CORIN: variants seen among roughly 807,000 people sequenced by gnomAD.
The protein encoded by CORIN is atrial natriuretic peptide-converting enzyme.
In CORIN, 117 loss-of-function variants were observed where a neutral mutation model predicts 125.3. The ratio of observed to expected loss-of-function variants is 0.93; its 90% CI spans 0.80 to 1.09. The LOEUF is 1.09. Ranked by LOEUF, CORIN falls within the 50% of genes least tolerant of loss-of-function variation. The pLI is 0.00. For missense variants in CORIN, 1,253 were observed against 1,306.7 expected, an observed-to-expected ratio of 0.96 and a Z score of 0.63; for synonymous variants, 450 against 466.4, an observed-to-expected ratio of 0.96 and a Z score of 0.45.
intron 21 of CORIN, among the ~76,000 whole-genome samples, chr4:47,598,625 G>A (rs1721337948): frequency 6.6e-6 from 1 of 152,144 alleles, no homozygotes; most frequent in Non-Finnish European, 1.5e-5. Flanking sequence ...TTGGAGAGAG[G>A]AAGAAATGTA....
At chr4:47,836,546 C>T (rs931057495) in intron 1 of CORIN, among the ~76,000 whole-genome samples, 3 of 152,174 alleles carry the variant, frequency 2.0e-5, no homozygotes, top group Non-Finnish European at 2.9e-5. Flanking sequence ...CTAGAAGCCA[C>T]AATTGTGCCT....
chr4:47,689,005 C>T (rs1415696469), intron 6 of CORIN, among the ~76,000 whole-genome samples: 3 of 152,060 alleles, frequency 2.0e-5, no homozygotes, highest in Admixed American at 6.6e-5. Context: ...TTTAGGCTGC[C>T]TCCATTCTAA....
intron 1 of CORIN, among the ~76,000 whole-genome samples, chr4:47,810,071 C>T (rs552674879): frequency 5.9e-5 from 9 of 152,294 alleles, no homozygotes; most frequent in East Asian, 5.8e-4. Context: ...GGGTAGGGAA[C>T]GATGCATCTG....
chr4:47,762,941 T>C (rs1005465394), intron 4 of CORIN, among the ~76,000 whole-genome samples: 7 of 152,050 alleles, frequency 4.6e-5, no homozygotes, highest in African/African-American at 1.7e-4. Context: ...TCTCTCTAAC[T>C]CTCTCTAGGT....
chr4:47,607,955 G>GAAAA (rs112787504), intron 19 of CORIN, among the ~76,000 whole-genome samples: 1 of 142,314 alleles, frequency 7.0e-6, no homozygotes, highest in African/African-American at 2.6e-5. Flanking sequence ...TCAAAAAAAA[G>GAAAA]AAAAAAAAAA....
intron 1 of CORIN, among the ~76,000 whole-genome samples, chr4:47,836,041 AG>A (rs1733383482): frequency 6.6e-6 from 1 of 152,124 alleles, no homozygotes; most frequent in South Asian, 2.1e-4. Flanking sequence ...TGGGGTTTTG[AG>A]GTTGATGTGT....
intron 5 of CORIN, among the ~76,000 whole-genome samples, chr4:47,735,848 C>G (rs1728105831): frequency 6.6e-6 from 1 of 151,182 alleles, no homozygotes; most frequent in African/African-American, 2.4e-5. Flanking sequence ...ATGACGTGAA[C>G]CCGGGAGGCG....
At chr4:47,785,554 T>C (rs1730755086) in intron 3 of CORIN, among the ~76,000 whole-genome samples, 1 of 152,070 alleles carries the variant, frequency 6.6e-6, no homozygotes, top group Non-Finnish European at 1.5e-5. Context: ...GTAAAATAAA[T>C]TTTACAGCCA....
At chr4:47,769,929 G>A (rs1729946154) in intron 3 of CORIN, among the ~76,000 whole-genome samples, 1 of 152,050 alleles carries the variant, frequency 6.6e-6, no homozygotes, top group Non-Finnish European at 1.5e-5. Flanking sequence ...TACATAGGGG[G>A]AAAGCTCAGT....
chr4:47,819,601 T>C (rs1732417101), intron 1 of CORIN, among the ~76,000 whole-genome samples: 1 of 151,768 alleles, frequency 6.6e-6, no homozygotes, highest in Admixed American at 6.6e-5. Context: ...ATGAAGGGAA[T>C]CAGAGTCTCC....
chr4:47,600,487 C>A, intron 20 of CORIN, 140 bp from the exon 21 acceptor site: 1 of 578,918 alleles, frequency 1.7e-6, no homozygotes, highest in East Asian at 3.0e-5. Context: ...ACTTGAAATG[C>A]CATTTTAAAG....
At chr4:47,705,579 A>G (rs527736127) in intron 5 of CORIN, among the ~76,000 whole-genome samples, 1 of 152,326 alleles carries the variant, frequency 6.6e-6, no homozygotes, top group East Asian at 1.9e-4. Flanking sequence ...TAATAGTCAA[A>G]ACTGATTTCG....
At chr4:47,678,827 C>T (rs1457949896) in intron 8 of CORIN, among the ~76,000 whole-genome samples, 1 of 151,882 alleles carries the variant, frequency 6.6e-6, no homozygotes, top group African/African-American at 2.4e-5. Context: ...CAGAAGTGTT[C>T]TACCTGAGCA....
intron 1 of CORIN, among the ~76,000 whole-genome samples, chr4:47,832,906 G>A (rs1484800948): frequency 6.6e-6 from 1 of 152,160 alleles, no homozygotes; most frequent in Non-Finnish European, 1.5e-5. Flanking sequence ...TGCCCAAGGA[G>A]ACTGAAGAAA....
At position 47,645,863 on chromosome 4, in the gene CORIN, G is replaced by T. The variant is rs549644031; in HGVS notation, c.1844-669C>A. On this transcript the variant is annotated intron_variant, in intron 13 of 21. Transcript: ENST00000273857. ...ATTGCACAACTGCACTCCAGCCTGG[G>T]TGACAGAACAAGACTCTGCCTTTTA... is the stretch of plus-strand genomic sequence containing the variant. Among the ~76,000 whole-genome samples the T allele has an allele frequency of 7.2e-5, 11 of 152,244 alleles. No individual in the cohort carries two copies. The East Asian group carries it at 2.1e-3, about 29-fold the overall frequency.
chr4:47,830,227 G>GC (rs1732921626), intron 1 of CORIN, among the ~76,000 whole-genome samples: 1 of 147,670 alleles, frequency 6.8e-6, no homozygotes. Context: ...CATGGTGTTT[G>GC]TTTTTTTTTT....
At chr4:47,809,372 C>A (rs1276713093) in intron 1 of CORIN, among the ~76,000 whole-genome samples, 1 of 129,360 alleles carries the variant, frequency 7.7e-6, no homozygotes, top group East Asian at 2.5e-4. Context: ...CAAATATTTT[C>A]TTCAGTGACA....
rs114989509 is a variant in CORIN, at chr4:47,799,553, T to C, written c.208+7350A>G. On this transcript the variant is annotated intron_variant, in intron 2 of 21. Transcript: ENST00000273857. Reference sequence around the variant, plus strand: ...TTTTCATATGTTTGTTGGACACTTGTATGTTTATTTTGAGAAGCATCTGTT... The same window carrying C: ...TTTTCATATGTTTGTTGGACACTTGCATGTTTATTTTGAGAAGCATCTGTT... 5.4e-3 allele frequency among the ~76,000 whole-genome samples: 830 copies of C among 152,308 alleles called. 8 individuals are homozygous for C. Among genetic ancestry groups the C allele is most frequent in the African/African-American group, 0.019 (772 of 41,570 alleles).
At position 47,595,450 on chromosome 4, in the gene CORIN, T is replaced by G; in HGVS notation, c.*271A>C. ...CTCGCCAGAGTCGATAATTTTGTGC[T>G]GCAGTCATGGTTAGGCCTGGCAAAA... On this transcript the variant is annotated 3_prime_UTR_variant, in exon 22 of 22. Coordinates refer to ENST00000273857, the MANE Select transcript of CORIN (RefSeq NM_006587.4). 1 of 235,808 alleles carries G rather than the reference T, an allele frequency of 4.2e-6. No homozygotes were observed. The highest frequency in any genetic ancestry group is 8.2e-6 in the Non-Finnish European group (1 of 121,944). The allele number at this position is 235,808 out of a possible 1,614,324, so 14.6% of individuals were successfully genotyped here.
Sources: gnomAD v4.1 joint callset for allele counts (sites outside exome capture counted in the v4.1 genomes callset) on GRCh38, gnomAD v4.1.1 for gene constraint, MANE v1.5 for transcripts, NCBI Gene and HGNC (gene_info 2026-07-23, HGNC 2026-07-21) for gene names.